Variants in SYT4 observed in about 807,000 individuals in gnomAD.
The protein encoded by SYT4 is synaptotagmin-4.
SYT4 carries 7 observed loss-of-function variants against 32.9 expected under a neutral mutation model. That is an observed-to-expected ratio of 0.21 (90% CI 0.12 to 0.40). The LOEUF is 0.40. Ranked by LOEUF, SYT4 falls within the 10% of genes least tolerant of loss-of-function variation. The pLI is 1.00. For missense variants in SYT4, 480 were observed against 488.0 expected (o/e 0.98, Z 0.16); for synonymous variants, 205 against 186.2 (o/e 1.10, Z -0.82).
chr18:43,271,662 A>T, intron 3 of SYT4, 50 bp downstream of exon 3: 1 of 1,607,920 alleles, frequency 6.2e-7, no homozygotes, highest in South Asian at 1.1e-5. Flanking sequence ...TTTGCAGTCA[A>T]ATACATTCCA....
At chr18:43,271,856 A>T (rs1290597231) in intron 2 of SYT4, 24 bp from the exon 3 acceptor site, 3 of 1,604,712 alleles carry the variant, frequency 1.9e-6, no homozygotes, top group South Asian at 1.1e-5. Context: ...AATGTGATAT[A>T]AGTATTTCTA....
In SYT4 at chr18:43,277,438, C is replaced by G. The variant is rs1908833298; in HGVS notation, c.-157G>C. ...ACAGGGAGGAGGCAAAGAGGGAGGT[C>G]CACTCGCCCTCGCACAGTGATTTGC... On this transcript the variant is annotated 5_prime_UTR_variant, in exon 1 of 4. Transcript: ENST00000255224. 1.3e-6 allele frequency: 1 copy of G among 758,038 alleles called. No homozygotes were observed. Among genetic ancestry groups the G allele is most frequent in the Non-Finnish European group, 2.2e-6 (1 of 458,344 alleles). 47.0% of individuals were successfully genotyped at this position (758,038 alleles called of 1,614,324 possible). A position where few individuals can be genotyped will look rare whatever the true frequency, so the allele number is the denominator to read the frequency against.
rs1430769008 is a variant in SYT4, at chr18:43,269,546, T to C, written c.*795A>G. 2.0e-5 allele frequency: 3 copies of C among 152,596 alleles called. No homozygotes were observed. Among genetic ancestry groups the C allele is most frequent in the Admixed American group, 1.3e-4 (2 of 15,266 alleles). 9.5% of individuals were successfully genotyped at this position (152,596 alleles called of 1,614,324 possible). On this transcript the variant is annotated 3_prime_UTR_variant, in exon 4 of 4. Coordinates refer to ENST00000255224, the MANE Select transcript of SYT4 (RefSeq NM_020783.4). ...TTTATTCACTAACTAATTCAACAATTTCACAAAGGTACATAGGGATTTCTC... is the reference window on the plus strand; with the variant it reads ...TTTATTCACTAACTAATTCAACAATCTCACAAAGGTACATAGGGATTTCTC...
chr18:43,270,395 G>A lies in SYT4; in HGVS notation c.1224C>T (p.Ile408=), dbSNP rs1039506688. 6.2e-7 allele frequency: 1 copy of A among 1,613,998 alleles called. No homozygotes were observed. The highest frequency in any genetic ancestry group is 8.5e-7 in the Non-Finnish European group (1 of 1,179,986). The change falls in exon 4 of 4, where the codon ATC becomes ATT. Residue 408 remains isoleucine (I), a synonymous_variant. Transcript: ENST00000255224. The part of the protein sequence containing the change: ...EGTGGEHWKE[I]CDYPRRQIAK... ...CAATTTGTCTCCTGGGGTAGTCACA[G>A]ATCTCTTTCCAGTGCTCTCCACCAG...
At chr18:43,275,043 T>C (rs993375443) in intron 1 of SYT4, among the ~76,000 whole-genome samples, 2 of 152,146 alleles carry the variant, frequency 1.3e-5, no homozygotes, top group African/African-American at 4.8e-5. Context: ...TATCATCCCT[T>C]TGTATGACAA....
chr18:43,272,122 C>T (rs1010354393), intron 2 of SYT4: 6 of 187,868 alleles, frequency 3.2e-5, no homozygotes, highest in Non-Finnish European at 6.6e-5. Flanking sequence ...AAATTATATC[C>T]TACACAGGAT....
chr18:43,268,240 C>T lies in SYT4; in HGVS notation c.*2101G>A, dbSNP rs898928874. On this transcript the variant is annotated 3_prime_UTR_variant, in exon 4 of 4. Coordinates refer to ENST00000255224, the MANE Select transcript of SYT4 (RefSeq NM_020783.4). ...GAAATTAGGTATTAAGATCTCCCTGCCTGTTTCAATTCCTTTGTTGTTTCT... is the reference window on the plus strand; with the variant it reads ...GAAATTAGGTATTAAGATCTCCCTGTCTGTTTCAATTCCTTTGTTGTTTCT... The T allele has an allele frequency of 1.3e-5, 2 of 152,558 alleles. No individual in the cohort carries two copies. Among genetic ancestry groups the T allele is most frequent in the African/African-American group, 2.4e-5 (1 of 41,422 alleles). The allele number at this position is 152,558 out of a possible 1,614,324, so 9.5% of individuals were successfully genotyped here.
At chr18:43,274,714 C>T (rs1908739715) in intron 1 of SYT4, among the ~76,000 whole-genome samples, 1 of 152,110 alleles carries the variant, frequency 6.6e-6, no homozygotes, top group Non-Finnish European at 1.5e-5. Flanking sequence ...TCTCAGATAA[C>T]ATGAGACAGC....
chr18:43,271,621 A>T, intron 3 of SYT4, 91 bp downstream of exon 3: 1 of 1,514,762 alleles, frequency 6.6e-7, no homozygotes, highest in South Asian at 1.3e-5. Context: ...GTATTAGAGA[A>T]AAGATAGAAG....
chr18:43,271,909 A>C lies in SYT4; in HGVS notation c.850-77T>G, dbSNP rs558681575. The C allele has an allele frequency of 1.4e-5, 20 of 1,380,432 alleles. No individual in the cohort carries two copies. The South Asian group carries it at 2.5e-4, about 17-fold the overall frequency. 85.5% of individuals were successfully genotyped at this position (1,380,432 alleles called of 1,614,324 possible). A position where few individuals can be genotyped will look rare whatever the true frequency, so the allele number is the denominator to read the frequency against. The stretch of plus-strand genomic sequence containing the variant: ...TGTGTACTTTCATTAAAGTTTAAAT[A>C]ACATCGTCATTTAAATATAATCTTA... On this transcript the variant is annotated intron_variant, in intron 2 of 3. Transcript: ENST00000255224.
chr18:43,271,128 T>A (rs1354632766), intron 3 of SYT4, among the ~76,000 whole-genome samples: 5 of 152,228 alleles, frequency 3.3e-5, no homozygotes, highest in Admixed American at 6.5e-5. Context: ...TTTTAACTTT[T>A]ATGAATTTCT....
chr18:43,275,710 A>G (rs997410701), intron 1 of SYT4, among the ~76,000 whole-genome samples: 1 of 152,182 alleles, frequency 6.6e-6, no homozygotes, highest in Non-Finnish European at 1.5e-5. Context: ...GGCCAATAAA[A>G]TCGCAATAAA....
chr18:43,276,608 A>G (rs1336278327), intron 1 of SYT4, among the ~76,000 whole-genome samples: 1 of 152,182 alleles, frequency 6.6e-6, no homozygotes, highest in East Asian at 1.9e-4. Context: ...TGCAACCTAT[A>G]ATACTTCCCT....
intron 1 of SYT4, 97 bp from the exon 2 acceptor site, chr18:43,274,491 T>G (rs1341760665): frequency 1.0e-6 from 1 of 961,068 alleles, no homozygotes; most frequent in East Asian, 2.6e-5. Context: ...TGCTATAGGT[T>G]GGATAGATTG....
At chr18:43,276,319 CAT>C (rs541971958) in intron 1 of SYT4, among the ~76,000 whole-genome samples, 5 of 152,120 alleles carry the variant, frequency 3.3e-5, no homozygotes, top group Non-Finnish European at 5.9e-5. Context: ...AAGTCAAGAT[CAT>C]AGTTATTTTA....
rs1255138896 is a variant in SYT4 at position 43,274,327 on chromosome 18, T to G, written c.102A>C (p.Ala34=). The change falls in exon 2 of 4, where the codon GCA becomes GCC. Residue 34 remains alanine, a synonymous_variant. Transcript: ENST00000255224. ...ATGATTTTCTCTGACAGCAGATCCATGCAAAGAGAGAGACTGTGAAGACCA... is the reference window on the plus strand; with the variant it reads ...ATGATTTTCTCTGACAGCAGATCCAGGCAAAGAGAGAGACTGTGAAGACCA... ...FGLVFTVSLF[A]WICCQRKSSK... 6.2e-7 allele frequency: 1 copy of G among 1,613,400 alleles called. No individual in the cohort carries two copies. The highest frequency in any genetic ancestry group is 1.1e-5 in the South Asian group (1 of 91,050).
intron 3 of SYT4, 42 bp from the exon 4 acceptor site, chr18:43,270,690 C>T: frequency 1.9e-6 from 3 of 1,595,098 alleles, no homozygotes; most frequent in Non-Finnish European, 2.6e-6. Context: ...CATAACTGGG[C>T]TGGAGAGCTG....
rs1455096679 is a variant in SYT4 at position 43,271,848 on chromosome 18, T to A, written c.850-16A>T. On this transcript the variant is annotated splice_polypyrimidine_tract_variant and intron_variant, in intron 2 of 3. Transcript: ENST00000255224. ...CTGAAGACTTCTGCAGAAAGAGAAA[T>A]GTGATATAAGTATTTCTATCTTTTT... 6.2e-7 allele frequency: 1 copy of A among 1,609,244 alleles called. No homozygotes were observed. The highest frequency in any genetic ancestry group is 8.5e-7 in the Non-Finnish European group (1 of 1,177,188).
chr18:43,271,201 T>C (rs747672132), intron 3 of SYT4, among the ~76,000 whole-genome samples: 8 of 152,182 alleles, frequency 5.3e-5, no homozygotes, highest in Non-Finnish European at 1.5e-5. Context: ...TCATTGTTAG[T>C]ATGTAGATTT....
Sources: allele counts gnomAD v4.1 joint callset (sites outside exome capture counted in the v4.1 genomes callset), GRCh38; gene constraint gnomAD v4.1.1; transcripts MANE v1.5; gene names NCBI Gene and HGNC (gene_info 2026-07-23, HGNC 2026-07-21).